The following GCLC variants were observed in gnomAD, a reference collection of about 807,000 sequenced individuals.
GCLC encodes the protein glutamate-cysteine ligase catalytic subunit.
In GCLC, 30 loss-of-function variants were observed where a neutral mutation model predicts 81.5. That is an observed-to-expected ratio of 0.37 (90% CI 0.28 to 0.50). The LOEUF is 0.50. Among genes scored for constraint, GCLC ranks in the 20% least tolerant of loss-of-function variants. The pLI, the probability that GCLC is intolerant of heterozygous loss-of-function variation, is 0.96. For synonymous variants in GCLC, 262 were observed against 273.3 expected (o/e 0.96, Z 0.41); for missense variants, 556 against 777.4 (o/e 0.72, Z 3.39).
chr6:53,499,727 A>G (rs1581725779), intron 15 of GCLC, among the ~76,000 whole-genome samples: 1 of 152,166 alleles, frequency 6.6e-6, no homozygotes, highest in East Asian at 1.9e-4. Context: ...CCTTAGCCCT[A>G]TAAAAGGGCC....
At chr6:53,509,462 A>C in intron 6 of GCLC, 1 of 600,938 alleles carries the variant, frequency 1.7e-6, no homozygotes, top group East Asian at 2.8e-5. Flanking sequence ...CCTATAGACA[A>C]CTAATATAAA....
In GCLC at chr6:53,520,838, T is replaced by C; in HGVS notation, c.386A>G (p.Lys129Arg). The C allele has an allele frequency of 6.2e-7, 1 of 1,614,174 alleles. No individual in the cohort carries two copies. The highest frequency in any genetic ancestry group is 8.5e-7 in the Non-Finnish European group (1 of 1,179,986). The change falls in exon 3 of 16, where the codon AAG becomes AGG. Residue 129 changes from lysine to arginine, a missense_variant. Lys to Arg is a conservative substitution (Grantham distance 26, BLOSUM62 2). Transcript: ENST00000650454. ...TTCTTCTAATATAGAAGTAGCCTCC[T>C]TCCGGCGTTTTCGCATGTTGGCCTC... ...TVEANMRKRR[K>R]EATSILEENQ...
At position 53,508,637 on chromosome 6, in the gene GCLC, A is replaced by C; in HGVS notation, c.903T>G (p.Ser301=). ...CCCGAGTTCTATCATCTACAGATGC[A>C]GAAATCACTCCCCAGCGACAATCAA... ...SDIDCRWGVI[S]ASVDDRTREE... is the part of the protein sequence containing the mutation. The change falls in exon 8 of 16, where the codon TCT becomes TCG. Residue 301 remains serine, a synonymous_variant. Transcript: ENST00000650454. 7 of 1,613,646 alleles carry C rather than the reference A, an allele frequency of 4.3e-6. No homozygotes were observed. The highest frequency in any genetic ancestry group is 5.9e-6 in the Non-Finnish European group (7 of 1,179,542).
chr6:53,543,249 A>C (rs568566840), intron 1 of GCLC, among the ~76,000 whole-genome samples: 44 of 152,354 alleles, frequency 2.9e-4, no homozygotes, highest in African/African-American at 9.9e-4. Context: ...AATATACAAA[A>C]TGGCAGATGC....
intron 1 of GCLC, among the ~76,000 whole-genome samples, chr6:53,543,023 G>A (rs1456142264): frequency 6.6e-6 from 1 of 152,010 alleles, no homozygotes; most frequent in East Asian, 1.9e-4. Flanking sequence ...AAAAAGAGCA[G>A]CACAAAAAAA....
rs2066509 is a variant in GCLC at position 53,500,265 on chromosome 6, G to A, written c.1563C>T (p.Asp521=). ...AAEEYTLMSI[D]TIINGKEGVF... is the part of the protein sequence containing the mutation. ...CTCCTACCTTCCCATTGATGATGGT[G>A]TCTATGCTCATGAGGGTGTACTCCT... The change falls in exon 14 of 16, where the codon GAC becomes GAT. Residue 521 remains aspartate, a synonymous_variant. Coordinates refer to ENST00000650454, the MANE Select transcript of GCLC (RefSeq NM_001498.4). 5.2e-3 allele frequency: 8,466 copies of A among 1,613,908 alleles called. 34 individuals are homozygous for A. Among genetic ancestry groups the A allele is most frequent in the Non-Finnish European group, 6.7e-3 (7,913 of 1,179,770 alleles).
intron 3 of GCLC, among the ~76,000 whole-genome samples, 192 bp from the exon 4 acceptor site, chr6:53,516,414 C>A (rs1454116958): frequency 6.6e-6 from 1 of 152,206 alleles, no homozygotes; most frequent in East Asian, 1.9e-4. Context: ...TTCTTGCTCA[C>A]AAGGATCTTC....
Position 53,520,757 on chromosome 6 carries a change from C to T in GCLC, c.446+21G>A, listed in dbSNP as rs768842616. The T allele has an allele frequency of 3.1e-6, 5 of 1,600,256 alleles. No individual in the cohort carries two copies. The Admixed American group carries it at 6.7e-5, about 21-fold the overall frequency. ...TGTATCTCTGAGAGATCTGCTGGGG[C>T]ATGTTAATATAGGAACTAACCTGGG... On this transcript the variant is annotated intron_variant, in intron 3 of 15. Coordinates refer to ENST00000650454, the MANE Select transcript of GCLC (RefSeq NM_001498.4).
chr6:53,508,653 C>T lies in GCLC; in HGVS notation c.887G>A (p.Arg296His), dbSNP rs1373511147. The change falls in exon 8 of 16, where the codon CGC becomes CAC. Residue 296 changes from arginine to histidine, a missense_variant. By Grantham distance (29) the Arg-to-His change is conservative. Around this residue, in one of 3 missense-constraint regions of GCLC, gnomAD observed 313 missense variants for 437.3 expected, o/e 0.72. Transcript: ENST00000650454. ...YRGYVSDIDC[R>H]WGVISASVDD... ...TACAGATGCAGAAATCACTCCCCAG[C>T]GACAATCAATGTCTGACACATAGCC... 2.5e-6 allele frequency: 4 copies of T among 1,613,860 alleles called. No individual in the cohort carries two copies. Among genetic ancestry groups the T allele is most frequent in the Non-Finnish European group, 2.5e-6 (3 of 1,179,784 alleles).
At position 53,508,786 on chromosome 6, in the gene GCLC, T is replaced by C. The variant is rs187693958; in HGVS notation, c.829-75A>G. 9.1e-6 allele frequency: 9 copies of C among 984,322 alleles called. No individual in the cohort carries two copies. In the Admixed American group the frequency reaches 1.4e-4, roughly 15 times the overall value. The allele number at this position is 984,322 out of a possible 1,614,324, so 61.0% of individuals were successfully genotyped here. A position where few individuals can be genotyped will look rare whatever the true frequency, so the allele number is the denominator to read the frequency against. ...TGCTAAAAAAAGCTCCATGCAGTTATATTTCTGATCAAAAAGCATGTTTAT... is the reference window on the plus strand; with the variant it reads ...TGCTAAAAAAAGCTCCATGCAGTTACATTTCTGATCAAAAAGCATGTTTAT... On this transcript the variant is annotated intron_variant, in intron 7 of 15. Transcript: ENST00000650454.
intron 12 of GCLC, among the ~76,000 whole-genome samples, chr6:53,501,726 CAAAT>C: frequency 6.6e-6 from 1 of 152,200 alleles, no homozygotes; most frequent in East Asian, 1.9e-4. Flanking sequence ...GGAGCATACT[CAAAT>C]AAATAGTATA....
chr6:53,539,993 T>C (rs550286527), intron 1 of GCLC, among the ~76,000 whole-genome samples: 1 of 152,342 alleles, frequency 6.6e-6, no homozygotes, highest in African/African-American at 2.4e-5. Context: ...AATAAATAAA[T>C]CTGAGACTGT....
chr6:53,543,836 A>C (rs1251694525), intron 1 of GCLC, among the ~76,000 whole-genome samples: 1 of 152,246 alleles, frequency 6.6e-6, no homozygotes, highest in African/African-American at 2.4e-5. Flanking sequence ...TAGGCCATGG[A>C]AAGACACAAG....
At chr6:53,511,302 TA>T (rs912002153) in intron 6 of GCLC, among the ~76,000 whole-genome samples, 1 of 152,084 alleles carries the variant, frequency 6.6e-6, no homozygotes, top group Admixed American at 6.6e-5. Context: ...ATTGAGATTT[TA>T]AAAAAACCAA....
chr6:53,520,310 A>G (rs1037430493), intron 3 of GCLC, among the ~76,000 whole-genome samples: 1 of 152,358 alleles, frequency 6.6e-6, no homozygotes, highest in Non-Finnish European at 1.5e-5. Flanking sequence ...CTTTGGGAGC[A>G]CTGCAGATCC....
intron 1 of GCLC, among the ~76,000 whole-genome samples, chr6:53,528,368 C>G (rs1763118631): frequency 6.6e-6 from 1 of 152,094 alleles, no homozygotes; most frequent in Admixed American, 6.5e-5. Flanking sequence ...TTTAGGGGAC[C>G]AGTAAGTACA....
At chr6:53,509,141 A>G in intron 7 of GCLC, 35 bp downstream of exon 7, 1 of 1,207,694 alleles carries the variant, frequency 8.3e-7, no homozygotes, top group Non-Finnish European at 1.2e-6. Flanking sequence ...TTTCATACGA[A>G]GTAGTATTTA....
intron 1 of GCLC, among the ~76,000 whole-genome samples, chr6:53,535,758 A>G (rs558641031): frequency 1.1e-4 from 17 of 152,332 alleles, no homozygotes; most frequent in Non-Finnish European, 2.2e-4. Flanking sequence ...TTAAAAATAC[A>G]ACAACGTACC....
rs554073968 is a variant in GCLC at position 53,534,163 on chromosome 6, A to G, written c.150+10333T>C. On this transcript the variant is annotated intron_variant, in intron 1 of 15. Coordinates refer to ENST00000650454, the MANE Select transcript of GCLC (RefSeq NM_001498.4). ...GGTCTTCGACTCTGATCTTCAGACTAAAGCTCATTAATAAAATGTATGTCG... is the reference window on the plus strand; with the variant it reads ...GGTCTTCGACTCTGATCTTCAGACTGAAGCTCATTAATAAAATGTATGTCG... Among the ~76,000 whole-genome samples, 3 of 152,350 alleles carry G rather than the reference A, an allele frequency of 2.0e-5. No homozygotes were observed. In the East Asian group the frequency reaches 5.8e-4, roughly 29 times the overall value.
Sources: gnomAD v4.1 joint callset for allele counts (sites outside exome capture counted in the v4.1 genomes callset) on GRCh38, gnomAD v4.1.1 for gene constraint, gnomAD v4.1.1 regional missense constraint, MANE v1.5 for transcripts, NCBI Gene and HGNC (gene_info 2026-07-23, HGNC 2026-07-21) for gene names.